RIT2: variants seen among roughly 807,000 people sequenced by gnomAD.
The protein encoded by RIT2 is Ras like without CAAX 2.
RIT2 carries 24 observed loss-of-function variants against 23.7 expected under a neutral mutation model. That is an observed-to-expected ratio of 1.01 (90% CI 0.73 to 1.43). RIT2 has a LOEUF of 1.43. Ranked by LOEUF, RIT2 falls within the 40% of genes most tolerant of loss-of-function variation. The pLI is 0.00. For missense variants in RIT2, 236 were observed against 266.9 expected (o/e 0.88, Z 0.81); for synonymous variants, 107 against 91.1 (o/e 1.17, Z -0.99).
At chr18:42,828,577 T>A (rs928880816) in intron 4 of RIT2, among the ~76,000 whole-genome samples, 2 of 152,212 alleles carry the variant, frequency 1.3e-5, no homozygotes, top group African/African-American at 4.8e-5. Flanking sequence ...TGAGTTAATA[T>A]AAGAGAATCA....
At chr18:42,954,106 G>A (rs748225386) in intron 3 of RIT2, among the ~76,000 whole-genome samples, 40 of 151,972 alleles carry the variant, frequency 2.6e-4, no homozygotes, top group Non-Finnish European at 5.3e-4. Context: ...AATTGGGCAC[G>A]GTGACTCATG....
chr18:43,109,432 G>A (rs904241248), intron 1 of RIT2, among the ~76,000 whole-genome samples: 4 of 152,098 alleles, frequency 2.6e-5, no homozygotes, highest in African/African-American at 9.7e-5. Flanking sequence ...TTATCAAGAT[G>A]CTGCCATTAA....
chr18:42,939,500 G>A (rs1209520435), intron 3 of RIT2, among the ~76,000 whole-genome samples: 3 of 152,080 alleles, frequency 2.0e-5, no homozygotes, highest in Admixed American at 2.0e-4. Flanking sequence ...TAGGCTGACA[G>A]AGCTACAAAT....
chr18:42,914,247 A>G (rs1232193230), intron 4 of RIT2, among the ~76,000 whole-genome samples: 1 of 152,112 alleles, frequency 6.6e-6, no homozygotes, highest in South Asian at 2.1e-4. Context: ...TTTCCTTTCA[A>G]AACTCAAATG....
At chr18:42,882,764 T>C (rs902512904) in intron 4 of RIT2, among the ~76,000 whole-genome samples, 1 of 152,160 alleles carries the variant, frequency 6.6e-6, no homozygotes. Context: ...AGTCTAATGT[T>C]AAGAATGGAG....
chr18:43,074,145 G>T (rs754751928), intron 1 of RIT2, among the ~76,000 whole-genome samples: 1 of 152,058 alleles, frequency 6.6e-6, no homozygotes, highest in Non-Finnish European at 1.5e-5. Context: ...TGCTATTTAG[G>T]AGCAGCATAA....
chr18:43,067,706 T>C (rs1017673418), intron 1 of RIT2, among the ~76,000 whole-genome samples: 8 of 152,108 alleles, frequency 5.3e-5, no homozygotes, highest in African/African-American at 1.9e-4. Context: ...AGAGAATAGA[T>C]TGTAAATGTT....
chr18:42,747,920 T>G (rs966993784), intron 4 of RIT2, among the ~76,000 whole-genome samples: 2 of 152,068 alleles, frequency 1.3e-5, no homozygotes, highest in Admixed American at 1.3e-4. Context: ...ATCTAAGATC[T>G]GAAAACATAA....
intron 4 of RIT2, among the ~76,000 whole-genome samples, chr18:42,864,633 C>T (rs1240057938): frequency 6.6e-6 from 1 of 152,172 alleles, no homozygotes; most frequent in African/African-American, 2.4e-5. Context: ...AAATTCTGTG[C>T]TATTTACACC....
At chr18:43,000,449 GT>G (rs1911077623) in intron 2 of RIT2, among the ~76,000 whole-genome samples, 1 of 151,938 alleles carries the variant, frequency 6.6e-6, no homozygotes, top group Non-Finnish European at 1.5e-5. Flanking sequence ...AGGATGTTTT[GT>G]TTTTCCTTCT....
intron 4 of RIT2, among the ~76,000 whole-genome samples, chr18:42,831,625 A>G (rs918103452): frequency 6.6e-6 from 1 of 152,134 alleles, no homozygotes. Context: ...CGGAGGGTCT[A>G]GGAAGAAGAG....
At chr18:43,065,302 C>A (rs1035926278) in intron 1 of RIT2, among the ~76,000 whole-genome samples, 1 of 144,334 alleles carries the variant, frequency 6.9e-6, no homozygotes, top group East Asian at 2.1e-4. Flanking sequence ...ACAATTATAG[C>A]TCACTGTAGT....
chr18:42,969,559 C>G (rs959856560), intron 3 of RIT2, among the ~76,000 whole-genome samples: 1 of 151,868 alleles, frequency 6.6e-6, no homozygotes, highest in Non-Finnish European at 1.5e-5. Flanking sequence ...AGGAACTAAA[C>G]CTAATACCAA....
At chr18:42,987,679 T>C (rs1404420636) in intron 2 of RIT2, among the ~76,000 whole-genome samples, 1 of 152,206 alleles carries the variant, frequency 6.6e-6, no homozygotes, top group Non-Finnish European at 1.5e-5. Context: ...TTTGTGTCGC[T>C]ATAAAATAAT....
chr18:42,991,615 G>T (rs1910850437), intron 2 of RIT2, among the ~76,000 whole-genome samples: 2 of 143,882 alleles, frequency 1.4e-5, no homozygotes, highest in Admixed American at 6.9e-5. Context: ...AATGAAAATG[G>T]CCTGTTCCTG....
At chr18:43,101,296 G>T (rs1455577983) in intron 1 of RIT2, among the ~76,000 whole-genome samples, 1 of 151,956 alleles carries the variant, frequency 6.6e-6, no homozygotes, top group Admixed American at 6.6e-5. Context: ...TTGTACAGTG[G>T]CTGTATGAAT....
intron 2 of RIT2, among the ~76,000 whole-genome samples, chr18:43,024,186 G>T (rs553724266): frequency 8.9e-4 from 136 of 152,014 alleles, no homozygotes; most frequent in South Asian, 5.0e-3. Context: ...GTTTTAAAAA[G>T]ATCTTTCTGG....
intron 4 of RIT2, among the ~76,000 whole-genome samples, chr18:42,783,122 C>T (rs563871153): frequency 1.3e-5 from 2 of 152,144 alleles, no homozygotes; most frequent in Admixed American, 6.5e-5. Context: ...AGTGTCTTAC[C>T]AAACACGTTT....
intron 3 of RIT2, among the ~76,000 whole-genome samples, chr18:42,944,331 T>C (rs1598725097): frequency 6.6e-6 from 1 of 152,120 alleles, no homozygotes; most frequent in East Asian, 1.9e-4. Flanking sequence ...TAGCAGACCA[T>C]CAAGATTGGT....
Sources: allele counts gnomAD v4.1 joint callset (sites outside exome capture counted in the v4.1 genomes callset), GRCh38; gene constraint gnomAD v4.1.1; transcripts MANE v1.5; gene names NCBI Gene and HGNC (gene_info 2026-07-23, HGNC 2026-07-21).